NRXN1: variants seen among roughly 807,000 people sequenced by gnomAD.
NRXN1 encodes neurexin 1.
Under a neutral mutation model 150.9 loss-of-function variants are expected in NRXN1, and 39 were observed. The observed-to-expected ratio is 0.26, with a 90% confidence interval of 0.20 to 0.34. The LOEUF (loss-of-function observed/expected upper bound fraction) is 0.34. Among genes scored for constraint, NRXN1 ranks in the 10% least tolerant of loss-of-function variants. The pLI is 1.00. For missense variants in NRXN1, 1,815 were observed against 1,949.9 expected (o/e 0.93, Z 1.30); for synonymous variants, 924 against 757.0 (o/e 1.22, Z -3.62).
chr2:50,394,159 T>A (rs959394375), intron 17 of NRXN1, among the ~76,000 whole-genome samples: 36 of 152,244 alleles, frequency 2.4e-4, no homozygotes, highest in African/African-American at 8.7e-4. Context: ...CTCTTCCCCA[T>A]CTAAACTCCC....
chr2:50,070,784 A>AC (rs1352361531), intron 19 of NRXN1, among the ~76,000 whole-genome samples: 2 of 149,852 alleles, frequency 1.3e-5, no homozygotes, highest in South Asian at 2.1e-4. Flanking sequence ...AAAAAAAAAA[A>AC]AAAAACCTGT....
In NRXN1 at chr2:50,224,689, G is replaced by GAGAA. The variant is rs1286772204; in HGVS notation, c.3546+12096_3546+12099dup. 2.8e-4 allele frequency among the ~76,000 whole-genome samples: 26 copies of GAGAA among 94,352 alleles called. No individual in the cohort carries two copies. The South Asian group carries it at 5.2e-3, about 19-fold the overall frequency. The allele number at this position is 94,352 out of a possible 152,430, so 61.9% of individuals were successfully genotyped here. A position where few individuals can be genotyped will look rare whatever the true frequency, so the allele number is the denominator to read the frequency against. ...AGAAGATTAAAGAGAGAGAGAGAGG[G>GAGAA]AGAAAGAGAGAGAGAGAGAGAGAGA... On this transcript the variant is annotated intron_variant, in intron 18 of 22. Transcript: ENST00000401669.
chr2:50,513,840 T>TTATA (rs1173374606), intron 12 of NRXN1, among the ~76,000 whole-genome samples: 1 of 151,976 alleles, frequency 6.6e-6, no homozygotes, highest in Non-Finnish European at 1.5e-5. Flanking sequence ...CCCATAGCAG[T>TTATA]TATATTTGGA....
At chr2:50,940,196 G>A (rs1449508566) in intron 2 of NRXN1, among the ~76,000 whole-genome samples, 4 of 152,062 alleles carry the variant, frequency 2.6e-5, no homozygotes, top group African/African-American at 9.7e-5. Flanking sequence ...AAGAAAACCA[G>A]GGCAGGCGTA....
At chr2:50,292,831 A>G (rs1050666519) in intron 17 of NRXN1, among the ~76,000 whole-genome samples, 4 of 152,144 alleles carry the variant, frequency 2.6e-5, no homozygotes, top group African/African-American at 9.6e-5. Flanking sequence ...ATAATGCCAA[A>G]TCTTGATTCA....
chr2:50,353,221 C>G (rs898352438), intron 17 of NRXN1, among the ~76,000 whole-genome samples: 1 of 152,218 alleles, frequency 6.6e-6, no homozygotes, highest in East Asian at 1.9e-4. Context: ...TGTTTGGTGG[C>G]TTGCATACAA....
chr2:50,107,529 A>ATG (rs1701824598), intron 18 of NRXN1, among the ~76,000 whole-genome samples: 1 of 128,102 alleles, frequency 7.8e-6, no homozygotes, highest in Non-Finnish European at 1.7e-5. Flanking sequence ...ACATATATAT[A>ATG]TATATATATA....
chr2:50,906,538 T>TGC (rs1683695622), intron 5 of NRXN1, among the ~76,000 whole-genome samples: 1 of 152,134 alleles, frequency 6.6e-6, no homozygotes, highest in South Asian at 2.1e-4. Context: ...ATTGTTGCTA[T>TGC]GCTGTTTTCT....
chr2:50,475,227 T>C (rs940611346), intron 15 of NRXN1, among the ~76,000 whole-genome samples: 1 of 152,038 alleles, frequency 6.6e-6, no homozygotes, highest in Non-Finnish European at 1.5e-5. Context: ...ATAGAAATTA[T>C]GTATAGAATA....
chr2:50,961,478 A>G (rs887696141), intron 2 of NRXN1, among the ~76,000 whole-genome samples: 1 of 151,878 alleles, frequency 6.6e-6, no homozygotes, highest in Non-Finnish European at 1.5e-5. Flanking sequence ...TGATCTAATC[A>G]TATGGTTTAT....
intron 18 of NRXN1, among the ~76,000 whole-genome samples, chr2:50,211,632 G>A (rs2063023733): frequency 6.6e-6 from 1 of 151,400 alleles, no homozygotes; most frequent in African/African-American, 2.4e-5. Flanking sequence ...AAACTTGAAT[G>A]AAACCTAATA....
At chr2:50,051,298 C>G (rs1173474134) in intron 21 of NRXN1, among the ~76,000 whole-genome samples, 1 of 151,890 alleles carries the variant, frequency 6.6e-6, no homozygotes, top group Admixed American at 6.6e-5. Flanking sequence ...AAAACCAATG[C>G]TGATAATATT....
At chr2:50,593,202 G>A (rs62142318) in intron 8 of NRXN1, among the ~76,000 whole-genome samples, 5 of 152,076 alleles carry the variant, frequency 3.3e-5, no homozygotes, top group Admixed American at 1.3e-4. Context: ...ATACTGTGGC[G>A]GGATAAATAA....
intron 17 of NRXN1, among the ~76,000 whole-genome samples, chr2:50,250,074 CTTAAT>C (rs1460660250): frequency 6.6e-6 from 1 of 152,156 alleles, no homozygotes; most frequent in Non-Finnish European, 1.5e-5. Flanking sequence ...CTTCTTACCT[CTTAAT>C]TTAAATCTCT....
intron 5 of NRXN1, among the ~76,000 whole-genome samples, chr2:50,707,565 A>C (rs1694616252): frequency 6.6e-6 from 1 of 152,086 alleles, no homozygotes; most frequent in East Asian, 1.9e-4. Flanking sequence ...TCATTTCAAA[A>C]CTTGAGCTCA....
Position 49,980,243 on chromosome 2 carries a change from T to C in NRXN1, c.4129-36452A>G, listed in dbSNP as rs1414850074. On this transcript the variant is annotated intron_variant, in intron 21 of 22. Coordinates refer to ENST00000401669, the MANE Select transcript of NRXN1 (RefSeq NM_001330078.2). The stretch of plus-strand genomic sequence containing the variant: ...GAACCAACAAGGCACACGTTAAACA[T>C]CCAGATTTCTGGGCCCTTCCATGGA... Among the ~76,000 whole-genome samples, 3 of 152,152 alleles carry C rather than the reference T, an allele frequency of 2.0e-5. No homozygotes were observed. The East Asian group carries it at 5.8e-4, about 29-fold the overall frequency.
chr2:50,487,188 G>A (rs566140162), intron 15 of NRXN1, among the ~76,000 whole-genome samples: 1 of 152,270 alleles, frequency 6.6e-6, no homozygotes, highest in South Asian at 2.1e-4. Flanking sequence ...AGATGAGGAT[G>A]ATGGTGATGA....
intron 17 of NRXN1, among the ~76,000 whole-genome samples, chr2:50,387,879 ACACT>A (rs1161558051): frequency 2.0e-5 from 3 of 152,216 alleles, no homozygotes; most frequent in South Asian, 2.1e-4. Context: ...ATTTTACAAA[ACACT>A]CACTGTGGAC....
chr2:50,231,698 A>T (rs766297213), intron 18 of NRXN1, among the ~76,000 whole-genome samples: 1 of 152,126 alleles, frequency 6.6e-6, no homozygotes, highest in Non-Finnish European at 1.5e-5. Flanking sequence ...TCTGGTCAGA[A>T]CCAATGCACA....
Sources: allele counts gnomAD v4.1 joint callset (sites outside exome capture counted in the v4.1 genomes callset), GRCh38; gene constraint gnomAD v4.1.1; transcripts MANE v1.5; gene names NCBI Gene and HGNC (gene_info 2026-07-23, HGNC 2026-07-21).